SEC23B: variants seen among roughly 807,000 people sequenced by gnomAD.
The protein encoded by SEC23B is protein transport protein Sec23B.
In SEC23B, 77 loss-of-function variants were observed where a neutral mutation model predicts 104.3. The ratio of observed to expected loss-of-function variants is 0.74; its 90% CI spans 0.61 to 0.89. SEC23B has a LOEUF of 0.89. Ranked by LOEUF, SEC23B falls within the 40% of genes least tolerant of loss-of-function variation. The pLI is 0.00. For synonymous variants in SEC23B, 338 were observed against 332.5 expected, an observed-to-expected ratio of 1.02 and a Z score of -0.18; for missense variants, 885 against 949.4, an observed-to-expected ratio of 0.93 and a Z score of 0.89.
intron 17 of SEC23B, among the ~76,000 whole-genome samples, chr20:18,553,261 C>T (rs988182249): frequency 3.3e-5 from 5 of 152,350 alleles, no homozygotes; most frequent in Non-Finnish European, 7.3e-5. Context: ...GGGCATTTCC[C>T]ATAGGCCAAC....
rs771775082 is a variant in SEC23B at position 18,511,032 on chromosome 20, G to A, written c.197G>A (p.Cys66Tyr). Reference sequence around the variant, plus strand: ...CCTGTGCTTTGCAGCAGGCCAACTTGTAAAGCTGTTCTCAACCCACTTTGG... The same window carrying A: ...CCTGTGCTTTGCAGCAGGCCAACTTATAAAGCTGTTCTCAACCCACTTTGG... ...YEPVLCSRPT[C>Y]KAVLNPLCQV... is the part of the protein sequence containing the mutation. Residue 66 changes from cysteine to tyrosine, a missense_variant, in exon 2 of 20, where the codon TGT becomes TAT. By Grantham distance (194) the Cys-to-Tyr change is radical. Coordinates refer to ENST00000650089, the MANE Select transcript of SEC23B (RefSeq NM_006363.6). The A allele has an allele frequency of 2.5e-6, 4 of 1,613,834 alleles. No individual in the cohort carries two copies. The highest frequency in any genetic ancestry group is 3.4e-6 in the Non-Finnish European group (4 of 1,179,824).
chr20:18,527,430 G>A (rs1407467036), intron 8 of SEC23B, 66 bp from the exon 9 acceptor site: 6 of 877,264 alleles, frequency 6.8e-6, no homozygotes, highest in East Asian at 4.8e-5. Context: ...TACCTCCTTC[G>A]GTAATTCAGG....
chr20:18,515,653 C>T lies in SEC23B; in HGVS notation c.283C>T (p.Pro95Ser), dbSNP rs1447370531. 2 of 1,600,168 alleles carry T rather than the reference C, an allele frequency of 1.2e-6. No homozygotes were observed. Among genetic ancestry groups the T allele is most frequent in the Admixed American group, 1.7e-5 (1 of 59,988 alleles). Residue 95 changes from proline to serine, a missense_variant, in exon 4 of 20, where the codon CCT becomes TCT. Coordinates refer to ENST00000650089, the MANE Select transcript of SEC23B (RefSeq NM_006363.6). ...AAAACTGTTTCCTTCTTTTCAGTTT[C>T]CTCCAGCTTATGGAGGCATATCTGA... ...CNFCFQRNQFPPAYGGISEVN... is the reference protein window; with the variant it reads ...CNFCFQRNQFSPAYGGISEVN...
At chr20:18,542,057 C>T (rs1269174826) in intron 12 of SEC23B, among the ~76,000 whole-genome samples, 1 of 152,172 alleles carries the variant, frequency 6.6e-6, no homozygotes, top group Admixed American at 6.5e-5. Context: ...GTATTTCATG[C>T]CTAAACACTT....
chr20:18,512,224 G>C lies in SEC23B; in HGVS notation c.222-1G>C, dbSNP rs753587118. ...ACTTATAATATTTATCTTTCTCACA[G>C]TCAGGTTGATTATCGAGCAAAACTT... On this transcript the variant is annotated splice_acceptor_variant, in intron 2 of 19. Transcript: ENST00000650089. LOFTEE classifies it high-confidence loss of function. 6.3e-7 allele frequency: 1 copy of C among 1,577,390 alleles called. No homozygotes were observed. The highest frequency in any genetic ancestry group is 8.7e-7 in the Non-Finnish European group (1 of 1,150,570).
At chr20:18,542,045 A>G (rs1030487990) in intron 12 of SEC23B, among the ~76,000 whole-genome samples, 2 of 152,220 alleles carry the variant, frequency 1.3e-5, no homozygotes, top group Non-Finnish European at 2.9e-5. Context: ...TCAGTCATCC[A>G]TGTATTTCAT....
chr20:18,548,142 G>A (rs1055920939), intron 15 of SEC23B, among the ~76,000 whole-genome samples: 5 of 151,686 alleles, frequency 3.3e-5, no homozygotes, highest in African/African-American at 1.2e-4. Context: ...GTAGAGACGG[G>A]GTTTCTCCAT....
intron 4 of SEC23B, among the ~76,000 whole-genome samples, chr20:18,518,471 C>T (rs1047747663): frequency 2.0e-5 from 3 of 150,368 alleles, no homozygotes; most frequent in Non-Finnish European, 3.0e-5. Context: ...TAGATTTCCA[C>T]GATGGAAAGG....
At position 18,516,032 on chromosome 20, in the gene SEC23B, A is replaced by G. The variant is rs146372624; in HGVS notation, c.366+296A>G. The G allele has an allele frequency of 2.1e-3, 776 of 365,138 alleles. 1 individual carries two copies. Among genetic ancestry groups the G allele is most frequent in the Non-Finnish European group, 3.0e-3 (570 of 192,706 alleles). The allele number at this position is 365,138 out of a possible 1,614,324, so 22.6% of individuals were successfully genotyped here. ...TGTTTAGCTTCAGAACCTTAGACTT[A>G]TCCTTGACCTCTCTCTTTCATGTTC... On this transcript the variant is annotated intron_variant, in intron 4 of 19. Transcript: ENST00000650089.
At chr20:18,525,134 T>A in intron 6 of SEC23B, 114 bp downstream of exon 6, 1 of 1,004,814 alleles carries the variant, frequency 1.0e-6, no homozygotes. Context: ...GAGAAAAAGA[T>A]AAATGATTAA....
At chr20:18,556,661 C>T (rs1406840631) in intron 19 of SEC23B, among the ~76,000 whole-genome samples, 2 of 152,130 alleles carry the variant, frequency 1.3e-5, no homozygotes, top group Non-Finnish European at 2.9e-5. Flanking sequence ...TTGATTGCTG[C>T]TCTAGTCATT....
In SEC23B at chr20:18,535,647, C is replaced by T. The variant is rs2060222679; in HGVS notation, c.1315-6C>T. On this transcript the variant is annotated splice_region_variant and splice_polypyrimidine_tract_variant and intron_variant, in intron 11 of 19. Coordinates refer to ENST00000650089, the MANE Select transcript of SEC23B (RefSeq NM_006363.6). ...TTGTTTTTCAAATTCCTCTTCCCAC[C>T]CCCAGGAGCTTGGTGTTGGTGGCAC... is the stretch of plus-strand genomic sequence containing the variant. The T allele has an allele frequency of 2.5e-6, 4 of 1,613,500 alleles. No individual in the cohort carries two copies. Among genetic ancestry groups the T allele is most frequent in the East Asian group, 2.2e-5 (1 of 44,860 alleles).
At chr20:18,521,890 C>T (rs1479886138) in intron 4 of SEC23B, among the ~76,000 whole-genome samples, 1 of 152,066 alleles carries the variant, frequency 6.6e-6, no homozygotes, top group East Asian at 1.9e-4. Context: ...ACCATTTGCC[C>T]ATTTTACGAC....
In SEC23B at chr20:18,542,482, T is replaced by G. The variant is rs990763732; in HGVS notation, c.1511+80T>G. On this transcript the variant is annotated intron_variant, in intron 13 of 19. Coordinates refer to ENST00000650089, the MANE Select transcript of SEC23B (RefSeq NM_006363.6). The stretch of plus-strand genomic sequence containing the variant: ...AAGAGATACTTTAACATTTGTTAGT[T>G]TGTCTTTTTGATTCCATTGAATGGT... 23 of 1,296,956 alleles carry G rather than the reference T, an allele frequency of 1.8e-5. No individual in the cohort carries two copies. The Admixed American group carries it at 2.0e-4, about 12-fold the overall frequency. The allele number at this position is 1,296,956 out of a possible 1,614,324, so 80.3% of individuals were successfully genotyped here.
At chr20:18,512,095 A>G (rs2059986490) in intron 2 of SEC23B, 130 bp from the exon 3 acceptor site, 1 of 620,820 alleles carries the variant, frequency 1.6e-6, no homozygotes, top group Admixed American at 3.0e-5. Flanking sequence ...TTATGCATAC[A>G]CATAGAAACA....
At chr20:18,510,682 C>G (rs1452262505) in intron 1 of SEC23B, 140 bp from the exon 2 acceptor site, 4 of 689,228 alleles carry the variant, frequency 5.8e-6, no homozygotes, top group Non-Finnish European at 1.0e-5. Context: ...AGGAGAATCG[C>G]TTGAACCCGG....
At position 18,525,891 on chromosome 20, in the gene SEC23B, T is replaced by G; in HGVS notation, c.793T>G (p.Ser265Ala). The G allele has an allele frequency of 1.9e-6, 3 of 1,614,230 alleles. No homozygotes were observed. Among genetic ancestry groups the G allele is most frequent in the Non-Finnish European group, 2.5e-6 (3 of 1,180,032 alleles). ...PVTQGKRPLRSTGVALSIAVG... is the reference protein window; with the variant it reads ...PVTQGKRPLRATGVALSIAVG... ...AACTCAGGGGAAGAGACCTTTGCGA[T>G]CCACTGGTGTGGCTTTGTCCATTGC... is the stretch of plus-strand genomic sequence containing the variant. Residue 265 changes from serine (S) to alanine (A), a missense_variant, in exon 7 of 20, where the codon TCC becomes GCC. Coordinates refer to ENST00000650089, the MANE Select transcript of SEC23B (RefSeq NM_006363.6).
At chr20:18,532,522 T>C in intron 10 of SEC23B, 142 bp from the exon 11 acceptor site, 1 of 728,778 alleles carries the variant, frequency 1.4e-6, no homozygotes, top group Non-Finnish European at 2.5e-6. Context: ...TTTGTAGGAC[T>C]AAGCAGTTAT....
intron 3 of SEC23B, among the ~76,000 whole-genome samples, chr20:18,512,652 T>A (rs1366138645): frequency 2.0e-5 from 3 of 152,238 alleles, no homozygotes; most frequent in African/African-American, 7.2e-5. Context: ...CTGATCTTTC[T>A]AACTTTTAGA....
Sources: allele counts gnomAD v4.1 joint callset (sites outside exome capture counted in the v4.1 genomes callset), GRCh38; gene constraint gnomAD v4.1.1; transcripts MANE v1.5; gene names NCBI Gene and HGNC (gene_info 2026-07-23, HGNC 2026-07-21).